CHN2: variants seen among roughly 807,000 people sequenced by gnomAD.
CHN2 encodes the protein beta-chimaerin.
CHN2 carries 35 observed loss-of-function variants against 56.3 expected under a neutral mutation model. That is an observed-to-expected ratio of 0.62 (90% confidence interval 0.47 to 0.82). CHN2 has a LOEUF of 0.82. CHN2 is among the 40% of genes least tolerant of loss of function. The pLI is 0.00. For synonymous variants in CHN2, 210 were observed against 212.8 expected (o/e 0.99, Z 0.12); for missense variants, 491 against 580.5 (o/e 0.85, Z 1.58).
At chr7:29,427,151 C>G (rs11762846) in intron 6 of CHN2, among the ~76,000 whole-genome samples, 34,225 of 152,098 alleles carry the variant, frequency 0.23, 4,603 homozygotes, top group Non-Finnish European at 0.31. Flanking sequence ...AGCTGTTTCT[C>G]TACTAAAAAT....
chr7:29,403,291 T>C (rs2285846), intron 6 of CHN2, among the ~76,000 whole-genome samples: 128,829 of 146,548 alleles, frequency 0.88, 56,787 homozygotes, highest in Non-Finnish European at 0.93. Context: ...AAAGAGGGAC[T>C]GGAAACGTGA....
chr7:29,203,046 G>C (rs938798175), intron 1 of CHN2, among the ~76,000 whole-genome samples: 2 of 152,204 alleles, frequency 1.3e-5, no homozygotes, highest in Admixed American at 6.5e-5. Flanking sequence ...AACATGGCTA[G>C]TCTGAATTGA....
intron 7 of CHN2, among the ~76,000 whole-genome samples, chr7:29,494,023 G>A (rs1056817837): frequency 6.6e-6 from 1 of 152,056 alleles, no homozygotes; most frequent in African/African-American, 2.4e-5. Context: ...GCAACTTTTG[G>A]TGTTCTGGCC....
At chr7:29,464,528 G>A (rs1031806750) in intron 6 of CHN2, among the ~76,000 whole-genome samples, 5 of 152,174 alleles carry the variant, frequency 3.3e-5, no homozygotes, top group Non-Finnish European at 7.4e-5. Context: ...TTCTGCACAC[G>A]TATCCTGGAG....
chr7:29,214,400 A>G (rs1785186928), intron 1 of CHN2, among the ~76,000 whole-genome samples: 1 of 152,140 alleles, frequency 6.6e-6, no homozygotes, highest in Admixed American at 6.5e-5. Flanking sequence ...TTATAACCTC[A>G]TTAAAGTCTG....
chr7:29,277,657 T>G (rs1449780234), intron 1 of CHN2, among the ~76,000 whole-genome samples: 1 of 152,218 alleles, frequency 6.6e-6, no homozygotes, highest in African/African-American at 2.4e-5. Flanking sequence ...TACACCAGCC[T>G]GCCCACACCT....
chr7:29,232,098 T>C (rs1011806695), intron 1 of CHN2, among the ~76,000 whole-genome samples: 2 of 152,162 alleles, frequency 1.3e-5, no homozygotes, highest in Non-Finnish European at 2.9e-5. Flanking sequence ...GACCCTGGGC[T>C]ATGGTTGAGA....
At chr7:29,417,741 T>C (rs1030776320) in intron 6 of CHN2, among the ~76,000 whole-genome samples, 4 of 152,114 alleles carry the variant, frequency 2.6e-5, no homozygotes, top group Admixed American at 6.5e-5. Context: ...TAGAATACAG[T>C]CCACTAGGAG....
At chr7:29,418,617 C>T (rs1804016038) in intron 6 of CHN2, among the ~76,000 whole-genome samples, 1 of 152,196 alleles carries the variant, frequency 6.6e-6, no homozygotes, top group Non-Finnish European at 1.5e-5. Context: ...GCATACACCC[C>T]GTTGAGTATT....
At chr7:29,409,535 G>A (rs929918035) in intron 6 of CHN2, among the ~76,000 whole-genome samples, 2 of 152,112 alleles carry the variant, frequency 1.3e-5, no homozygotes, top group African/African-American at 2.4e-5. Flanking sequence ...ATCTGCTCCT[G>A]TATTCAACCT....
chr7:29,189,483 A>T (rs954137597), intron 2 of CHN2, among the ~76,000 whole-genome samples: 5 of 152,190 alleles, frequency 3.3e-5, no homozygotes, highest in African/African-American at 1.2e-4. Flanking sequence ...TTTTGCCCAG[A>T]GCAGGCTTAC....
chr7:29,309,870 G>T (rs979548707), intron 1 of CHN2, among the ~76,000 whole-genome samples: 1 of 152,132 alleles, frequency 6.6e-6, no homozygotes, highest in African/African-American at 2.4e-5. Flanking sequence ...GCCCTGCTGT[G>T]GCTGTTACAT....
chr7:29,470,102 C>T (rs1245627528), intron 6 of CHN2, among the ~76,000 whole-genome samples: 1 of 152,202 alleles, frequency 6.6e-6, no homozygotes, highest in East Asian at 1.9e-4. Context: ...ATTAGCATGA[C>T]AGTCTCTTTT....
chr7:29,195,629 A>AGAGAGAGAGAGAGGGAGAGAGG (rs869037854), intron 1 of CHN2, among the ~76,000 whole-genome samples: 1 of 117,504 alleles, frequency 8.5e-6, no homozygotes, highest in African/African-American at 3.6e-5. Context: ...AGAGAGAGAG[A>AGAGAGAGAGAGAGGGAGAGAGG]GTGTGTGTGT....
chr7:29,236,973 T>C (rs1414793487), intron 1 of CHN2, among the ~76,000 whole-genome samples: 1 of 152,148 alleles, frequency 6.6e-6, no homozygotes, highest in Non-Finnish European at 1.5e-5. Context: ...CAGAGTCCCC[T>C]TTGCTGTGTA....
At chr7:29,171,960 T>C (rs533366129) in intron 2 of CHN2, among the ~76,000 whole-genome samples, 14 of 152,170 alleles carry the variant, frequency 9.2e-5, no homozygotes, top group Non-Finnish European at 1.8e-4. Flanking sequence ...TCTGAAGTAA[T>C]TGTCCTCCTC....
chr7:29,441,814 C>T (rs1783671122), intron 6 of CHN2, among the ~76,000 whole-genome samples: 1 of 152,084 alleles, frequency 6.6e-6, no homozygotes. Flanking sequence ...AAATCAGAAC[C>T]TTCATACATT....
intron 1 of CHN2, among the ~76,000 whole-genome samples, chr7:29,261,663 C>T (rs1046606024): frequency 6.6e-6 from 1 of 152,180 alleles, no homozygotes; most frequent in Non-Finnish European, 1.5e-5. Flanking sequence ...CTTTGAACCA[C>T]AGAAAATATT....
At chr7:29,313,880 T>C (rs1195246535) in intron 1 of CHN2, among the ~76,000 whole-genome samples, 1 of 152,156 alleles carries the variant, frequency 6.6e-6, no homozygotes, top group Non-Finnish European at 1.5e-5. Context: ...CTCCTTGGAG[T>C]CACAGGCTCT....
Sources: gnomAD v4.1 joint callset for allele counts (sites outside exome capture counted in the v4.1 genomes callset) on GRCh38, gnomAD v4.1.1 for gene constraint, MANE v1.5 for transcripts, NCBI Gene and HGNC (gene_info 2026-07-23, HGNC 2026-07-21) for gene names.